The following CCDC50 variants were observed in gnomAD, a reference collection of about 807,000 sequenced individuals.
CCDC50 encodes the protein coiled-coil domain containing 50, also known as coiled-coil domain-containing protein 50.
A neutral mutation model predicts 70.2 loss-of-function variants in CCDC50; 54 were observed. The ratio of observed to expected loss-of-function variants is 0.77; its 90% confidence interval spans 0.62 to 0.96. The LOEUF (loss-of-function observed/expected upper bound fraction) is 0.96. Ranked by LOEUF, CCDC50 falls within the 50% of genes least tolerant of loss-of-function variation. The probability of loss-of-function intolerance (pLI) is 0.00; values close to 1 mark genes in which losing one functional copy is unlikely to be tolerated. For synonymous variants in CCDC50, 216 were observed against 198.8 expected (o/e 1.09, Z -0.73); for missense variants, 558 against 578.7 (o/e 0.96, Z 0.37).
intron 5 of CCDC50, among the ~76,000 whole-genome samples, chr3:191,371,966 A>G (rs1310744128): frequency 3.9e-5 from 6 of 152,158 alleles, no homozygotes; most frequent in Non-Finnish European, 8.8e-5. Context: ...TTCACTGTAA[A>G]CGTTATTATT....
intron 7 of CCDC50, 89 bp from the exon 8 acceptor site, chr3:191,380,598 C>A: frequency 3.8e-6 from 5 of 1,320,904 alleles, no homozygotes; most frequent in Non-Finnish European, 3.2e-6. Flanking sequence ...CAATTATTTT[C>A]AAAAACCAGC....
rs200184334 is a variant in CCDC50, at chr3:191,380,710, C to T, written c.1116C>T (p.Ala372=). Residue 372 remains alanine, a synonymous_variant, in exon 8 of 12, where the codon GCC becomes GCT. Transcript: ENST00000392455. The part of the protein sequence containing the change: ...ELLATQVDMR[A]AQVAQDEEIA... The stretch of plus-strand genomic sequence containing the variant: ...AGGCTACCCAGGTGGACATGAGAGC[C>T]GCTCAAGTAGCTCAAGATGAAGTAA... The T allele has an allele frequency of 9.5e-5, 154 of 1,612,614 alleles. 2 individuals carry two copies. Among genetic ancestry groups the T allele is most frequent in the South Asian group, 5.1e-4 (46 of 90,994 alleles).
Position 191,375,361 on chromosome 3 carries a change from G to A in CCDC50, c.748G>A (p.Glu250Lys). The A allele has an allele frequency of 6.2e-7, 1 of 1,613,736 alleles. No individual in the cohort carries two copies. Among genetic ancestry groups the A allele is most frequent in the Non-Finnish European group, 8.5e-7 (1 of 1,179,820 alleles). ...TISGEVFLST[E>K]CDDWETKINH... Reference sequence around the variant, plus strand: ...CAGTGGTGAAGTGTTTCTGAGCACTGAATGTGATGACTGGGAGACTAAGAT... The same window carrying A: ...CAGTGGTGAAGTGTTTCTGAGCACTAAATGTGATGACTGGGAGACTAAGAT... The change falls in exon 6 of 12, where the codon GAA (glutamate) becomes AAA (lysine). Residue 250 changes from glutamate to lysine, a missense_variant. Physicochemically the swap from Glu to Lys is moderately conservative, Grantham distance 56. Transcript: ENST00000392455.
At chr3:191,360,651 C>A (rs1003582134) in intron 3 of CCDC50, among the ~76,000 whole-genome samples, 1 of 152,110 alleles carries the variant, frequency 6.6e-6, no homozygotes, top group Non-Finnish European at 1.5e-5. Flanking sequence ...TGATATTAGA[C>A]CTGTAATGTG....
At chr3:191,367,908 A>G (rs1252867882) in intron 4 of CCDC50, among the ~76,000 whole-genome samples, 1 of 152,064 alleles carries the variant, frequency 6.6e-6, no homozygotes, top group Non-Finnish European at 1.5e-5. Flanking sequence ...AGTTTTTTGG[A>G]GAATAGGCTA....
chr3:191,345,650 G>A (rs1473001867), intron 1 of CCDC50, among the ~76,000 whole-genome samples: 3 of 152,136 alleles, frequency 2.0e-5, no homozygotes, highest in Non-Finnish European at 4.4e-5. Flanking sequence ...GCAATCTGGT[G>A]TATCTGCGGT....
chr3:191,385,612 C>T (rs1217711780), intron 10 of CCDC50, among the ~76,000 whole-genome samples: 26 of 152,136 alleles, frequency 1.7e-4, no homozygotes, highest in Non-Finnish European at 8.8e-5. Flanking sequence ...TCTCTTTACT[C>T]TGTAGTTTCT....
chr3:191,336,233 C>CA (rs1711520671), intron 1 of CCDC50, among the ~76,000 whole-genome samples: 1 of 151,402 alleles, frequency 6.6e-6, no homozygotes, highest in African/African-American at 2.4e-5. Flanking sequence ...TTAAAATTGT[C>CA]AAACTGTTTT....
At chr3:191,339,666 C>T (rs1711656336) in intron 1 of CCDC50, among the ~76,000 whole-genome samples, 1 of 152,154 alleles carries the variant, frequency 6.6e-6, no homozygotes, top group African/African-American at 2.4e-5. Flanking sequence ...TGTTGACTTT[C>T]CCAGGCTGTA....
chr3:191,397,524 A>T lies in CCDC50; in HGVS notation c.*5764A>T, dbSNP rs145146937. ...AATGATGCTCCAAAATGAGAATTCT[A>T]TATGGGGCTTTCCCTAAGAAGAATC... On this transcript the variant is annotated 3_prime_UTR_variant, in exon 12 of 12. Transcript: ENST00000392455. 5.3e-5 allele frequency: 8 copies of T among 152,318 alleles called. No individual in the cohort carries two copies. The highest frequency in any genetic ancestry group is 2.1e-4 in the South Asian group (1 of 4,822). The allele number at this position is 152,318 out of a possible 1,614,324, so 9.4% of individuals were successfully genotyped here.
At chr3:191,374,942 T>C (rs1314118436) in intron 5 of CCDC50, 120 bp from the exon 6 acceptor site, 120 of 1,040,256 alleles carry the variant, frequency 1.2e-4, no homozygotes, top group Non-Finnish European at 1.2e-5. Context: ...GAAAAAGCAA[T>C]TTTCTCCATT....
chr3:191,374,967 A>C (rs779439398), intron 5 of CCDC50, 95 bp from the exon 6 acceptor site: 161 of 1,285,548 alleles, frequency 1.3e-4, no homozygotes, highest in Non-Finnish European at 1.7e-4. Context: ...AAGTACGTTA[A>C]ACTGGAGCCC....
chr3:191,394,091 A>G lies in CCDC50; in HGVS notation c.*2331A>G, dbSNP rs1307697528. ...AAAGTCGGACCACTTAACACTTACC[A>G]GGAATGTTAGTGTTTCAGCTGTTTT... On this transcript the variant is annotated 3_prime_UTR_variant, in exon 12 of 12. Coordinates refer to ENST00000392455, the MANE Select transcript of CCDC50 (RefSeq NM_178335.3). 2 of 152,132 alleles carry G rather than the reference A, an allele frequency of 1.3e-5. No homozygotes were observed. Among genetic ancestry groups the G allele is most frequent in the Non-Finnish European group, 2.9e-5 (2 of 68,008 alleles). The allele number at this position is 152,132 out of a possible 1,614,324, so 9.4% of individuals were successfully genotyped here.
At chr3:191,337,545 G>C (rs147247202) in intron 1 of CCDC50, among the ~76,000 whole-genome samples, 2,156 of 151,988 alleles carry the variant, frequency 0.014, 45 homozygotes, top group African/African-American at 0.049. Flanking sequence ...GGGTTTCACT[G>C]TGTTGGCCCG....
At chr3:191,343,228 C>T (rs1343307958) in intron 1 of CCDC50, among the ~76,000 whole-genome samples, 1 of 152,090 alleles carries the variant, frequency 6.6e-6, no homozygotes, top group Non-Finnish European at 1.5e-5. Flanking sequence ...CTTATGATGG[C>T]TATTATTTCT....
intron 4 of CCDC50, among the ~76,000 whole-genome samples, chr3:191,368,674 T>C (rs1043526322): frequency 3.3e-5 from 5 of 152,168 alleles, no homozygotes; most frequent in African/African-American, 1.2e-4. Flanking sequence ...TCTTTAAATT[T>C]ATAACATTAA....
At position 191,361,868 on chromosome 3, in the gene CCDC50, G is replaced by A. The variant is rs536553327; in HGVS notation, c.330+709G>A. ...TTAGAGAGAGCAGACTTTTGAGTGG[G>A]GCCTGCACAGGAGCCAGGGAGTAGT... is the stretch of plus-strand genomic sequence containing the variant. On this transcript the variant is annotated intron_variant, in intron 4 of 11. Coordinates refer to ENST00000392455, the MANE Select transcript of CCDC50 (RefSeq NM_178335.3). Among the ~76,000 whole-genome samples, 6 of 152,238 alleles carry A rather than the reference G, an allele frequency of 3.9e-5. No homozygotes were observed. In the South Asian group the frequency reaches 1.2e-3, roughly 32 times the overall value.
In CCDC50 at chr3:191,353,543, C is replaced by A. The variant is rs1428605782; in HGVS notation, c.50-3545C>A. Among the ~76,000 whole-genome samples the A allele has an allele frequency of 1.4e-5, 2 of 141,288 alleles. 1 individual carries two copies. The highest frequency in any genetic ancestry group is 3.2e-5 in the Non-Finnish European group (2 of 62,740). 92.7% of individuals were successfully genotyped at this position (141,288 alleles called of 152,430 possible). On this transcript the variant is annotated intron_variant, in intron 1 of 11. Transcript: ENST00000392455. Reference sequence around the variant, plus strand: ...AGGAGGTTAGAAAAGGAGAAAAGTTCTCTTCATGCTCTGAGCGTGGCCTGG... The same window carrying A: ...AGGAGGTTAGAAAAGGAGAAAAGTTATCTTCATGCTCTGAGCGTGGCCTGG...
At position 191,391,944 on chromosome 3, in the gene CCDC50, G is replaced by T; in HGVS notation, c.*184G>T. On this transcript the variant is annotated 3_prime_UTR_variant, in exon 12 of 12. Transcript: ENST00000392455. ...TGTTTTGGTTATTCATGATCACTTG[G>T]GCAGTATAAGAAAATGTAGCTTCTG... 1.6e-6 allele frequency: 1 copy of T among 631,196 alleles called. No individual in the cohort carries two copies. 39.1% of individuals were successfully genotyped at this position (631,196 alleles called of 1,614,324 possible). A position where few individuals can be genotyped will look rare whatever the true frequency, so the allele number is the denominator to read the frequency against.
Sources: gnomAD v4.1 joint callset for allele counts (sites outside exome capture counted in the v4.1 genomes callset) on GRCh38, gnomAD v4.1.1 for gene constraint, MANE v1.5 for transcripts, NCBI Gene and HGNC (gene_info 2026-07-23, HGNC 2026-07-21) for gene names.